The following LAMA2 variants were observed in gnomAD, a reference collection of about 807,000 sequenced individuals.
LAMA2 encodes the protein laminin subunit alpha-2.
Under a neutral mutation model 364.8 loss-of-function variants are expected in LAMA2, and 269 were observed. The ratio of observed to expected loss-of-function variants is 0.74; its 90% CI spans 0.67 to 0.82. The LOEUF (loss-of-function observed/expected upper bound fraction) is 0.82, where lower values mean the gene tolerates loss of function less well. Ranked by LOEUF, LAMA2 falls within the 40% of genes least tolerant of loss-of-function variation. LAMA2 has a pLI of 0.00. For missense variants in LAMA2, 3,807 were observed against 3,873.2 expected (o/e 0.98, Z 0.45); for synonymous variants, 1,379 against 1,370.6 (o/e 1.01, Z -0.14).
rs562494228 is a variant in LAMA2 at position 129,092,651 on chromosome 6, C to T, written c.397-5522C>T. ...TGCACATCAATTTGCTATAGGAGTT[C>T]AGGGACAAATAGCAATATGGGAAGG... On this transcript the variant is annotated intron_variant, in intron 3 of 64. Transcript: ENST00000421865. Among the ~76,000 whole-genome samples the T allele has an allele frequency of 2.0e-5, 3 of 152,250 alleles. No individual in the cohort carries two copies. The South Asian group carries it at 6.2e-4, about 32-fold the overall frequency.
chr6:128,991,002 A>C (rs1393285729), intron 1 of LAMA2, among the ~76,000 whole-genome samples: 1 of 151,966 alleles, frequency 6.6e-6, no homozygotes, highest in Admixed American at 6.6e-5. Context: ...TTGTTTCTTT[A>C]GTGTTTGATG....
intron 20 of LAMA2, among the ~76,000 whole-genome samples, chr6:129,292,490 T>C (rs1336074984): frequency 1.3e-5 from 2 of 152,250 alleles, no homozygotes; most frequent in African/African-American, 4.8e-5. Context: ...TTTTTAAAGA[T>C]GCATTATTTT....
At chr6:128,981,020 T>A (rs1221880097) in intron 1 of LAMA2, among the ~76,000 whole-genome samples, 1 of 152,184 alleles carries the variant, frequency 6.6e-6, no homozygotes, top group Admixed American at 6.5e-5. Context: ...ACAAACGGAC[T>A]CTTTCCCATA....
chr6:129,026,840 T>C (rs996904548), intron 1 of LAMA2, among the ~76,000 whole-genome samples: 2 of 152,096 alleles, frequency 1.3e-5, no homozygotes, highest in African/African-American at 4.8e-5. Context: ...ATGGAAGAAG[T>C]CTACTGTGTA....
chr6:129,181,344 A>AT (rs5879928), intron 10 of LAMA2, among the ~76,000 whole-genome samples: 49,422 of 151,902 alleles, frequency 0.33, 11,104 homozygotes, highest in African/African-American at 0.65. Flanking sequence ...TCTGAAATAA[A>AT]TTTGTATTCA....
intron 8 of LAMA2, chr6:129,157,918 C>G: frequency 6.2e-7 from 1 of 1,614,178 alleles, no homozygotes; most frequent in Admixed American, 1.7e-5. Flanking sequence ...TTGGTGCCCA[C>G]CCTGGTATTC....
chr6:129,372,975 C>A (rs1778172225), intron 34 of LAMA2, among the ~76,000 whole-genome samples: 1 of 152,040 alleles, frequency 6.6e-6, no homozygotes, highest in Non-Finnish European at 1.5e-5. Flanking sequence ...GGTCTTTTTC[C>A]ATTTTTTCAT....
intron 1 of LAMA2, among the ~76,000 whole-genome samples, chr6:128,984,124 T>A (rs1006637090): frequency 6.6e-6 from 1 of 152,100 alleles, no homozygotes; most frequent in Non-Finnish European, 1.5e-5. Flanking sequence ...TGGCTATCCT[T>A]GCAAATTTCA....
chr6:129,008,767 T>A (rs966066242), intron 1 of LAMA2, among the ~76,000 whole-genome samples: 4 of 152,196 alleles, frequency 2.6e-5, no homozygotes, highest in Admixed American at 2.6e-4. Flanking sequence ...GAGCAATATA[T>A]TGCCAGGAAC....
intron 7 of LAMA2, among the ~76,000 whole-genome samples, chr6:129,151,627 A>G (rs1778800671): frequency 6.6e-6 from 1 of 152,198 alleles, no homozygotes; most frequent in Non-Finnish European, 1.5e-5. Context: ...AGGAGGCCTC[A>G]GGAAACTTAT....
chr6:129,373,100 G>T (rs1303478122), intron 34 of LAMA2, among the ~76,000 whole-genome samples: 1 of 151,958 alleles, frequency 6.6e-6, no homozygotes, highest in African/African-American at 2.4e-5. Context: ...TTGTTCTCTT[G>T]AGAAGTGTCT....
intron 1 of LAMA2, among the ~76,000 whole-genome samples, chr6:128,947,577 C>G (rs1780555625): frequency 1.3e-5 from 2 of 152,154 alleles, no homozygotes; most frequent in Non-Finnish European, 2.9e-5. Flanking sequence ...AGTTTTATCT[C>G]AGATGAGATT....
At chr6:129,407,685 C>T (rs1425801283) in intron 40 of LAMA2, among the ~76,000 whole-genome samples, 1 of 152,236 alleles carries the variant, frequency 6.6e-6, no homozygotes, top group African/African-American at 2.4e-5. Context: ...GCAAGCACCT[C>T]AGCGGGTCAT....
chr6:128,972,837 G>A (rs1212764320), intron 1 of LAMA2, among the ~76,000 whole-genome samples: 2 of 151,978 alleles, frequency 1.3e-5, no homozygotes, highest in Admixed American at 6.6e-5. Flanking sequence ...GTAATACCTC[G>A]GGAACCACTC....
At chr6:128,933,694 T>C (rs9492142) in intron 1 of LAMA2, among the ~76,000 whole-genome samples, 12,573 of 152,288 alleles carry the variant, frequency 0.083, 991 homozygotes, top group African/African-American at 0.2. Context: ...CACTTTTTAA[T>C]ATACCTGTTG....
intron 42 of LAMA2, among the ~76,000 whole-genome samples, chr6:129,439,073 C>A (rs1035402952): frequency 3.3e-5 from 5 of 151,726 alleles, no homozygotes; most frequent in Non-Finnish European, 7.4e-5. Flanking sequence ...AGGACCCCCC[C>A]CCACAGATAT....
intron 17 of LAMA2, among the ~76,000 whole-genome samples, chr6:129,275,340 G>A (rs964830831): frequency 6.6e-6 from 1 of 152,092 alleles, no homozygotes; most frequent in Non-Finnish European, 1.5e-5. Flanking sequence ...CTAAAGTTCA[G>A]AGAAATTAAG....
At chr6:129,208,680 G>T (rs9321154) in intron 12 of LAMA2, among the ~76,000 whole-genome samples, 1 of 84,534 alleles carries the variant, frequency 1.2e-5, no homozygotes, top group African/African-American at 6.8e-5. Flanking sequence ...AGAAAGAGAA[G>T]GAAAGAAAGA....
At chr6:129,312,278 A>G (rs952404989) in intron 22 of LAMA2, among the ~76,000 whole-genome samples, 8 of 152,212 alleles carry the variant, frequency 5.3e-5, no homozygotes, top group African/African-American at 1.9e-4. Flanking sequence ...TCAAATCAGA[A>G]TTGTATGCAA....
Sources: allele counts gnomAD v4.1 joint callset (sites outside exome capture counted in the v4.1 genomes callset), GRCh38; gene constraint gnomAD v4.1.1; transcripts MANE v1.5; gene names NCBI Gene and HGNC (gene_info 2026-07-23, HGNC 2026-07-21).